The following CDIN1 variants were observed in gnomAD, a reference collection of about 807,000 sequenced individuals.
CDIN1 encodes CDAN1 interacting nuclease 1.
In CDIN1, 33 loss-of-function variants were observed where a neutral mutation model predicts 45.3. The ratio of observed to expected loss-of-function variants is 0.73; its 90% CI spans 0.55 to 0.97. The LOEUF (loss-of-function observed/expected upper bound fraction) is 0.97. Among genes scored for constraint, CDIN1 ranks in the 50% least tolerant of loss-of-function variants. The probability of loss-of-function intolerance (pLI) is 0.00; values close to 1 mark genes in which losing one functional copy is unlikely to be tolerated. For missense variants in CDIN1, 303 were observed against 339.4 expected (o/e 0.89, Z 0.84); for synonymous variants, 118 against 124.4 (o/e 0.95, Z 0.34).
chr15:36,692,271 A>G (rs776805578), intron 7 of CDIN1, 96 bp downstream of exon 7: 9 of 1,159,646 alleles, frequency 7.8e-6, no homozygotes, highest in Non-Finnish European at 1.1e-5. Context: ...TCTGCTTCAC[A>G]AAACACATTT....
chr15:36,621,278 A>T (rs2039174691), intron 1 of CDIN1, among the ~76,000 whole-genome samples: 1 of 152,216 alleles, frequency 6.6e-6, no homozygotes, highest in Non-Finnish European at 1.5e-5. Flanking sequence ...AGTGGTTAAA[A>T]TTACATTACT....
At chr15:36,662,930 A>C (rs2041079256) in intron 5 of CDIN1, among the ~76,000 whole-genome samples, 1 of 151,028 alleles carries the variant, frequency 6.6e-6, no homozygotes. Context: ...CCAAAATCCA[A>C]AATGCTCCAA....
chr15:36,612,718 A>G (rs1225492002), intron 1 of CDIN1, among the ~76,000 whole-genome samples: 1 of 152,196 alleles, frequency 6.6e-6, no homozygotes, highest in African/African-American at 2.4e-5. Flanking sequence ...TGGCTTTTAC[A>G]GATTTCCTGC....
At chr15:36,747,836 G>T (rs1288738512) in intron 10 of CDIN1, among the ~76,000 whole-genome samples, 1 of 151,906 alleles carries the variant, frequency 6.6e-6, no homozygotes, top group Non-Finnish European at 1.5e-5. Flanking sequence ...AGACCCCCGA[G>T]CCAACCACAT....
intron 5 of CDIN1, among the ~76,000 whole-genome samples, chr15:36,674,974 G>T (rs1164348077): frequency 6.6e-6 from 1 of 152,074 alleles, no homozygotes; most frequent in African/African-American, 2.4e-5. Context: ...GGTCTGAGCA[G>T]TTTAAAGGGT....
At chr15:36,774,161 T>TGCGCGCGC (rs756189878) in intron 10 of CDIN1, among the ~76,000 whole-genome samples, 40 of 50,700 alleles carry the variant, frequency 7.9e-4, no homozygotes, top group Non-Finnish European at 2.1e-3. Flanking sequence ...TGTGTGTGTG[T>TGCGCGCGC]GTGCGCGCGC....
At chr15:36,712,387 T>A (rs2043086814) in intron 10 of CDIN1, among the ~76,000 whole-genome samples, 1 of 144,208 alleles carries the variant, frequency 6.9e-6, no homozygotes, top group South Asian at 2.3e-4. Flanking sequence ...TGCCTCAGCC[T>A]CCCAGGTAGC....
chr15:36,763,400 G>A (rs1160153962), intron 10 of CDIN1, among the ~76,000 whole-genome samples: 2 of 152,110 alleles, frequency 1.3e-5, no homozygotes, highest in African/African-American at 2.4e-5. Flanking sequence ...CTCAGTAAGA[G>A]TCAAGATTAC....
At chr15:36,800,204 A>G (rs566901638) in intron 10 of CDIN1, among the ~76,000 whole-genome samples, 1 of 152,304 alleles carries the variant, frequency 6.6e-6, no homozygotes, top group African/African-American at 2.4e-5. Flanking sequence ...TCAAAGAGAT[A>G]AAGTTGCACT....
chr15:36,701,094 GTAGGTAGATAGATAGATAGA>G (rs1002524012), intron 8 of CDIN1, among the ~76,000 whole-genome samples: 2 of 146,050 alleles, frequency 1.4e-5, no homozygotes, highest in African/African-American at 5.1e-5. Context: ...AGGTAGGTAG[GTAGGTAGATAGATAGATAGA>G]TAGGTAGGTA....
chr15:36,729,471 A>T (rs1032990268), intron 10 of CDIN1, among the ~76,000 whole-genome samples: 4 of 152,094 alleles, frequency 2.6e-5, no homozygotes, highest in Non-Finnish European at 1.5e-5. Context: ...CTGTCTTTTG[A>T]TTAGCATGGC....
At chr15:36,616,873 C>T (rs924792325) in intron 1 of CDIN1, among the ~76,000 whole-genome samples, 6 of 151,736 alleles carry the variant, frequency 4.0e-5, no homozygotes, top group Admixed American at 1.3e-4. Flanking sequence ...TGCAGTGAGC[C>T]GAGATCGTGC....
chr15:36,759,224 G>T (rs921255059), intron 10 of CDIN1, among the ~76,000 whole-genome samples: 10 of 152,014 alleles, frequency 6.6e-5, no homozygotes, highest in African/African-American at 2.4e-4. Context: ...GAGGAGAGGC[G>T]CCTCTTCTTG....
chr15:36,611,500 G>A (rs1193445244), intron 1 of CDIN1, among the ~76,000 whole-genome samples: 1 of 152,172 alleles, frequency 6.6e-6, no homozygotes, highest in Non-Finnish European at 1.5e-5. Context: ...AAGAAAGACT[G>A]AGAAGGAAAC....
intron 1 of CDIN1, among the ~76,000 whole-genome samples, chr15:36,637,268 C>T (rs754781294): frequency 5.3e-5 from 8 of 152,048 alleles, no homozygotes; most frequent in South Asian, 2.1e-4. Context: ...TACACCTAAA[C>T]GTAAAAGCCG....
chr15:36,632,998 TAAGA>T (rs2039742553), intron 1 of CDIN1, among the ~76,000 whole-genome samples: 2 of 152,204 alleles, frequency 1.3e-5, no homozygotes. Flanking sequence ...TATAGGTACT[TAAGA>T]CTCTCATTAA....
chr15:36,808,746 G>T lies in CDIN1; in HGVS notation c.*293G>T. The T allele has an allele frequency of 2.2e-6, 1 of 453,472 alleles. No homozygotes were observed. Among genetic ancestry groups the T allele is most frequent in the South Asian group, 1.9e-5 (1 of 52,784 alleles). The allele number at this position is 453,472 out of a possible 1,614,324, so 28.1% of individuals were successfully genotyped here. A position where few individuals can be genotyped will look rare whatever the true frequency, so the allele number is the denominator to read the frequency against. ...TCATAATCTTTCTTTCTTCCGGATG[G>T]TTTATCCTTGTATGCTGAACAAAAG... On this transcript the variant is annotated 3_prime_UTR_variant, in exon 11 of 11. Coordinates refer to ENST00000566621, the MANE Select transcript of CDIN1 (RefSeq NM_001321759.2).
At position 36,579,836 on chromosome 15, in the gene CDIN1, G is replaced by T. The variant is rs1595696197; in HGVS notation, c.-25G>T. ...CCCAGGGTGTTTTTTCCTTGTTCCCGCCACCTCCTGGTCCCTGGCCCAACA... is the reference window on the plus strand; with the variant it reads ...CCCAGGGTGTTTTTTCCTTGTTCCCTCCACCTCCTGGTCCCTGGCCCAACA... On this transcript the variant is annotated 5_prime_UTR_variant, in exon 1 of 11. Transcript: ENST00000566621. 6 of 1,593,358 alleles carry T rather than the reference G, an allele frequency of 3.8e-6. No homozygotes were observed. The highest frequency in any genetic ancestry group is 1.3e-5 in the African/African-American group (1 of 74,340).
intron 5 of CDIN1, among the ~76,000 whole-genome samples, chr15:36,679,818 G>A (rs2041787147): frequency 6.6e-6 from 1 of 151,990 alleles, no homozygotes; most frequent in South Asian, 2.1e-4. Context: ...GGAAGCCAGG[G>A]CCCCTCACCC....
Sources: gnomAD v4.1 joint callset for allele counts (sites outside exome capture counted in the v4.1 genomes callset) on GRCh38, gnomAD v4.1.1 for gene constraint, MANE v1.5 for transcripts, NCBI Gene and HGNC (gene_info 2026-07-23, HGNC 2026-07-21) for gene names.